Variants in GRIN2C observed in about 807,000 individuals in gnomAD.
GRIN2C encodes the protein glutamate receptor ionotropic, NMDA 2C.
GRIN2C carries 64 observed loss-of-function variants against 77.7 expected under a neutral mutation model. The ratio of observed to expected loss-of-function variants is 0.82; its 90% CI spans 0.67 to 1.01. GRIN2C has a LOEUF of 1.01. Among genes scored for constraint, GRIN2C ranks in the 50% least tolerant of loss-of-function variants. The probability of loss-of-function intolerance (pLI) is 0.00; values close to 1 mark genes in which losing one functional copy is unlikely to be tolerated. For synonymous variants in GRIN2C, 792 were observed against 643.4 expected (o/e 1.23, Z -3.49); for missense variants, 1,549 against 1,486.0 (o/e 1.04, Z -0.70).
At position 74,857,395 on chromosome 17, in the gene GRIN2C, G is replaced by A. The variant is rs150265013; in HGVS notation, c.-15-2288C>T. The stretch of plus-strand genomic sequence containing the variant: ...GCAAGGAAGGGAATATTGCTCTCAT[G>A]GTGGCGCCCTTGAAATCTTCCCATG... On this transcript the variant is annotated intron_variant, in intron 1 of 12. Transcript: ENST00000293190. Among the ~76,000 whole-genome samples, 818 of 152,320 alleles carry A rather than the reference G, an allele frequency of 5.4e-3. 6 individuals carry two copies. Among genetic ancestry groups the A allele is most frequent in the African/African-American group, 0.019 (784 of 41,562 alleles).
At chr17:74,860,060 C>T (rs2037917600), upstream of GRIN2C, among the ~76,000 whole-genome samples, 4 of 152,004 alleles carry the variant, frequency 2.6e-5, no homozygotes, top group South Asian at 2.1e-4. Flanking sequence ...CCGAGTCCCG[C>T]AGTGGGGGGA....
chr17:74,843,010 G>A lies in GRIN2C; in HGVS notation c.3127C>T (p.Leu1043Phe), dbSNP rs952364920. The change falls in exon 13 of 13, where the codon CTC becomes TTC. Residue 1043 changes from leucine (L) to phenylalanine (F), a missense_variant. Coordinates refer to ENST00000293190, the MANE Select transcript of GRIN2C (RefSeq NM_000835.6). The stretch of plus-strand genomic sequence containing the variant: ...TCCTCCAGCTCCGGGAAGAGCGGGA[G>A]GAAGGGGCGGCCGGATCGGTCGGCT... ...PRADRSGRPF[L>F]PLFPELEDLP... The A allele has an allele frequency of 7.6e-5, 33 of 436,856 alleles. No homozygotes were observed. The African/African-American group carries it at 7.6e-4, about 10-fold the overall frequency. The allele number at this position is 436,856 out of a possible 1,614,324, so 27.1% of individuals were successfully genotyped here.
At position 74,849,987 on chromosome 17, in the gene GRIN2C, C is replaced by T. The variant is rs959462582; in HGVS notation, c.1492-54G>A. 4 of 1,563,924 alleles carry T rather than the reference C, an allele frequency of 2.6e-6. No individual in the cohort carries two copies. The highest frequency in any genetic ancestry group is 1.4e-5 in the African/African-American group (1 of 73,324). Reference sequence around the variant, plus strand: ...AAAAGGGGCTCCCGTGGGGTGGACACGCTGCACAGGCACCTCCAGACACCC... The same window carrying T: ...AAAAGGGGCTCCCGTGGGGTGGACATGCTGCACAGGCACCTCCAGACACCC... On this transcript the variant is annotated intron_variant, in intron 6 of 12. Transcript: ENST00000293190. This position sits in a 1 kb window ranked among gnomAD's most constrained non-coding sequence, Gnocchi z 4.6.
In GRIN2C at chr17:74,846,802, T is replaced by G. The variant is rs1280788438; in HGVS notation, c.2120A>C (p.Asn707Thr). 2 of 1,613,966 alleles carry G rather than the reference T, an allele frequency of 1.2e-6. No individual in the cohort carries two copies. Residue 707 changes from asparagine to threonine, a missense_variant, in exon 10 of 13, where the codon AAC (asparagine) becomes ACC (threonine). Asn to Thr is a moderately conservative substitution (Grantham distance 65, BLOSUM62 0). This residue lies in a region of GRIN2C where 717 missense variants were observed against 858.1 expected (regional missense o/e 0.84). Coordinates refer to ENST00000293190, the MANE Select transcript of GRIN2C (RefSeq NM_000835.6). The surrounding 1 kb of genome is among the most constrained non-coding windows in gnomAD (Gnocchi z 4.4). ...RDMHTHMVKF[N>T]QRSVEDALTS... is the part of the protein sequence containing the mutation. ...GAGCGCGTCCTCCACCGAGCGCTGG[T>G]TGAACTTGACCATGTGGGTGTGCAT...
In GRIN2C at chr17:74,849,680, G is replaced by T; in HGVS notation, c.1645+100C>A. ...GACCCAAGGCTGCTGTGCTTGGCCT[G>T]TGAGAGCCCACCCAACTCCCCATCC... On this transcript the variant is annotated intron_variant, in intron 7 of 12. Coordinates refer to ENST00000293190, the MANE Select transcript of GRIN2C (RefSeq NM_000835.6). This position sits in a 1 kb window ranked among gnomAD's most constrained non-coding sequence, Gnocchi z 4.6. The T allele has an allele frequency of 8.8e-7, 1 of 1,132,434 alleles. No homozygotes were observed. Among genetic ancestry groups the T allele is most frequent in the Non-Finnish European group, 1.3e-6 (1 of 789,358 alleles). 70.1% of individuals were successfully genotyped at this position (1,132,434 alleles called of 1,614,324 possible).
chr17:74,851,748 T>C (rs2037653172), intron 3 of GRIN2C, 57 bp from the exon 4 acceptor site: 4 of 1,092,536 alleles, frequency 3.7e-6, no homozygotes, highest in Non-Finnish European at 5.5e-6. Context: ...CCCCTGCCTC[T>C]GCCTCACCGC....
upstream of GRIN2C, among the ~76,000 whole-genome samples, chr17:74,861,090 G>A: frequency 6.6e-6 from 1 of 152,196 alleles, no homozygotes; most frequent in Non-Finnish European, 1.5e-5. Context: ...CTGGTCCCGC[G>A]GTGCTGCCGC....
chr17:74,853,039 C>T (rs1482082542), intron 2 of GRIN2C: 2 of 163,538 alleles, frequency 1.2e-5, no homozygotes, highest in Admixed American at 1.3e-4. Context: ...AGCCAGGCGT[C>T]TGTATTTCCT....
At chr17:74,854,529 A>G in intron 2 of GRIN2C, 165 bp downstream of exon 2, 1 of 609,072 alleles carries the variant, frequency 1.6e-6, no homozygotes, top group Non-Finnish European at 2.9e-6. Context: ...CCTCTAGAAC[A>G]TGGGATGTCA....
chr17:74,848,074 T>A, intron 7 of GRIN2C, 97 bp from the exon 8 acceptor site: 1 of 1,380,372 alleles, frequency 7.2e-7, no homozygotes, highest in Non-Finnish European at 1.0e-6. Flanking sequence ...GTGATCAAAG[T>A]AGGGGCCCAC....
intron 1 of GRIN2C, 40 bp from the exon 2 acceptor site, chr17:74,855,147 G>A (rs1364310143): frequency 6.8e-7 from 1 of 1,472,976 alleles, no homozygotes; most frequent in Non-Finnish European, 9.0e-7. Flanking sequence ...GAGAGACAGA[G>A]GTTTGGAGAG....
In GRIN2C at chr17:74,847,825, C is replaced by A. The variant is rs1318849065; in HGVS notation, c.1771+27G>T. On this transcript the variant is annotated intron_variant, in intron 8 of 12. Coordinates refer to ENST00000293190, the MANE Select transcript of GRIN2C (RefSeq NM_000835.6). The surrounding 1 kb of genome is among the most constrained non-coding windows in gnomAD (Gnocchi z 5.2). The stretch of plus-strand genomic sequence containing the variant: ...GCCCTCAGGGTGCCCAGGCCCACCC[C>A]TCCTGCCGGGCCCAGGCAAGGCTTA... 4.3e-6 allele frequency: 7 copies of A among 1,613,236 alleles called. No homozygotes were observed. In the East Asian group the frequency reaches 1.1e-4, roughly 26 times the overall value.
rs201909582 is a variant in GRIN2C, at chr17:74,852,413, T to G, written c.598A>C (p.Thr200Pro). 6.6e-7 allele frequency: 1 copy of G among 1,505,212 alleles called. No individual in the cohort carries two copies. The highest frequency in any genetic ancestry group is 8.8e-7 in the Non-Finnish European group (1 of 1,134,942). 93.2% of individuals were successfully genotyped at this position (1,505,212 alleles called of 1,614,324 possible). A position where few individuals can be genotyped will look rare whatever the true frequency, so the allele number is the denominator to read the frequency against. ...GGCCCTCCCGGGCCCAGCTCCAGCGTGACCACGTCCAGCAGCCGCCAACTC... is the reference window on the plus strand; with the variant it reads ...GGCCCTCCCGGGCCCAGCTCCAGCGGGACCACGTCCAGCAGCCGCCAACTC... Reference protein sequence around the residue: ...HVSWRLLDVVTLELGPGGPRA... With the variant: ...HVSWRLLDVVPLELGPGGPRA... Residue 200 changes from threonine (T) to proline (P), a missense_variant, in exon 3 of 13, where the codon ACG (threonine) becomes CCG (proline). Physicochemically the swap from Thr to Pro is conservative, Grantham distance 38 (BLOSUM62 -1). Transcript: ENST00000293190.
chr17:74,854,657 G>A (rs1389412974), intron 2 of GRIN2C, 37 bp downstream of exon 2: 1 of 1,573,796 alleles, frequency 6.4e-7, no homozygotes, highest in South Asian at 1.1e-5. Context: ...CTGGTTCCAG[G>A]CCTGAGGCAC....
rs2037475631 is a variant in GRIN2C at position 74,846,943 on chromosome 17, A to G, written c.2002-23T>C. 1 of 1,594,146 alleles carries G rather than the reference A, an allele frequency of 6.3e-7. No individual in the cohort carries two copies. The highest frequency in any genetic ancestry group is 2.2e-5 in the East Asian group (1 of 44,626). The stretch of plus-strand genomic sequence containing the variant: ...AAACTGCAGGCGGAGGGCAGCAGCC[A>G]GTCACAACCCTTCCTCCAGCCTTCC... On this transcript the variant is annotated intron_variant, in intron 9 of 12. Transcript: ENST00000293190. The surrounding 1 kb of genome is among the most constrained non-coding windows in gnomAD (Gnocchi z 4.4).
rs1210908276 is a variant in GRIN2C at position 74,854,790 on chromosome 17, G to T, written c.303C>A (p.Thr101=). The change falls in exon 2 of 13, where the codon ACC becomes ACA. Residue 101 remains threonine, a synonymous_variant. Transcript: ENST00000293190. ...AGTCAAGGATCTGGGCCACCGCCTC[G>T]GTGTCCACGTTGTCCTCAAAGACAA... The part of the protein sequence containing the change: ...HGIVFEDNVD[T]EAVAQILDFI... 7 of 1,613,700 alleles carry T rather than the reference G, an allele frequency of 4.3e-6. No individual in the cohort carries two copies. Among genetic ancestry groups the T allele is most frequent in the African/African-American group, 1.3e-5 (1 of 74,918 alleles).
At position 74,852,042 on chromosome 17, in the gene GRIN2C, G is replaced by C. The variant is rs541539909; in HGVS notation, c.969C>G (p.Pro323=). The C allele has an allele frequency of 1.8e-4, 265 of 1,460,910 alleles. No homozygotes were observed. Among genetic ancestry groups the C allele is most frequent in the South Asian group, 5.5e-4 (37 of 67,548 alleles). The allele number at this position is 1,460,910 out of a possible 1,614,324, so 90.5% of individuals were successfully genotyped here. A position where few individuals can be genotyped will look rare whatever the true frequency, so the allele number is the denominator to read the frequency against. The change falls in exon 3 of 13, where the codon CCC becomes CCG. Residue 323 remains proline, a synonymous_variant. Coordinates refer to ENST00000293190, the MANE Select transcript of GRIN2C (RefSeq NM_000835.6). Reference sequence around the variant, plus strand: ...AGAAGGCCTCCCGGGCAGGGCTGACGGGCCCAGGGTGAACACGGCAGTCCC... The same window carrying C: ...AGAAGGCCTCCCGGGCAGGGCTGACCGGCCCAGGGTGAACACGGCAGTCCC... ...PAGDCRVHPG[P]VSPAREAFYR...
Position 74,846,640 on chromosome 17 carries a change from C to A in GRIN2C, c.2162+120G>T. 1 of 1,082,752 alleles carries A rather than the reference C, an allele frequency of 9.2e-7. No individual in the cohort carries two copies. The allele number at this position is 1,082,752 out of a possible 1,614,324, so 67.1% of individuals were successfully genotyped here. Reference sequence around the variant, plus strand: ...CTCCACTCTGCCCCAAGACCTCTTCCCTCCACCCCACAGGAGTCCTGCAGG... The same window carrying A: ...CTCCACTCTGCCCCAAGACCTCTTCACTCCACCCCACAGGAGTCCTGCAGG... On this transcript the variant is annotated intron_variant, in intron 10 of 12. Transcript: ENST00000293190. This position sits in a 1 kb window ranked among gnomAD's most constrained non-coding sequence, Gnocchi z 4.4.
chr17:74,856,986 A>G (rs548102931), intron 1 of GRIN2C, among the ~76,000 whole-genome samples: 122 of 152,190 alleles, frequency 8.0e-4, no homozygotes, highest in African/African-American at 2.5e-3. Flanking sequence ...AGAAACATCA[A>G]TTGGCCCGTG....
Sources: allele counts gnomAD v4.1 joint callset (sites outside exome capture counted in the v4.1 genomes callset), GRCh38; gene constraint gnomAD v4.1.1; regional missense constraint gnomAD v4.1.1; non-coding constraint Gnocchi (gnomAD v3.1); transcripts MANE v1.5; gene names NCBI Gene and HGNC (gene_info 2026-07-23, HGNC 2026-07-21).